The following KLHL29 variants were observed in gnomAD, a reference collection of about 807,000 sequenced individuals.
KLHL29 encodes kelch like family member 29.
KLHL29 carries 21 observed loss-of-function variants against 80.4 expected under a neutral mutation model. The ratio of observed to expected loss-of-function variants is 0.26; its 90% CI spans 0.19 to 0.38. The LOEUF (loss-of-function observed/expected upper bound fraction) is 0.38. Among genes scored for constraint, KLHL29 ranks in the 10% least tolerant of loss-of-function variants. KLHL29 has a pLI of 1.00. For synonymous variants in KLHL29, 511 were observed against 526.8 expected, an observed-to-expected ratio of 0.97 and a Z score of 0.41; for missense variants, 867 against 1,223.9, an observed-to-expected ratio of 0.71 and a Z score of 4.35.
intron 1 of KLHL29, among the ~76,000 whole-genome samples, chr2:23,462,025 A>C (rs954259126): frequency 4.0e-5 from 6 of 148,936 alleles, no homozygotes; most frequent in Non-Finnish European, 8.9e-5. Flanking sequence ...CACCAACCTA[A>C]TAGAAGGGGC....
intron 2 of KLHL29, among the ~76,000 whole-genome samples, chr2:23,509,220 A>G (rs997432091): frequency 6.6e-6 from 1 of 152,160 alleles, no homozygotes; most frequent in Non-Finnish European, 1.5e-5. Flanking sequence ...ACCTGGGGAT[A>G]CCGGGTTATT....
At chr2:23,670,959 TCTCTCTCTCTCTC>T (rs1670714017) in intron 5 of KLHL29, among the ~76,000 whole-genome samples, 5 of 20,976 alleles carry the variant, frequency 2.4e-4, no homozygotes, top group African/African-American at 5.9e-4. Flanking sequence ...TCTCTCTCTC[TCTCTCTCTCTCTC>T]TCTCTCTCCC....
In KLHL29 at chr2:23,493,960, G is replaced by A. The variant is rs529849244; in HGVS notation, c.-46+18293G>A. Among the ~76,000 whole-genome samples the A allele has an allele frequency of 3.9e-5, 6 of 152,268 alleles. No individual in the cohort carries two copies. In the South Asian group the frequency reaches 8.3e-4, roughly 21 times the overall value. On this transcript the variant is annotated intron_variant, in intron 2 of 13. Transcript: ENST00000486442. ...GCAGCACTTACCTACACTGAAAGAG[G>A]TTTAGAATCATTAAACAAAGCCAGA...
chr2:23,503,534 G>A lies in KLHL29; in HGVS notation c.-46+27867G>A, dbSNP rs985494340. Among the ~76,000 whole-genome samples, 11 of 151,880 alleles carry A rather than the reference G, an allele frequency of 7.2e-5. No individual in the cohort carries two copies. Among genetic ancestry groups the A allele is most frequent in the African/African-American group, 9.7e-5 (4 of 41,312 alleles). On this transcript the variant is annotated intron_variant, in intron 2 of 13. Transcript: ENST00000486442. The surrounding 1 kb of genome is among the most constrained non-coding windows in gnomAD (Gnocchi z 4.0). ...GTCCTAGGGATGGCTCCTGGTTCAC[G>A]CAGGCTCCTCATAGGGTCCCTGCCG...
intron 3 of KLHL29, among the ~76,000 whole-genome samples, chr2:23,636,625 T>G (rs900199168): frequency 6.6e-6 from 1 of 152,290 alleles, no homozygotes; most frequent in African/African-American, 2.4e-5. Context: ...AGCAGCCACT[T>G]GAGGGCAGGG....
chr2:23,506,992 C>A, intron 2 of KLHL29: 1 of 280,492 alleles, frequency 3.6e-6, no homozygotes, highest in Admixed American at 3.9e-5. Context: ...CTTCCACACT[C>A]AGAGCCTTTA....
rs116641321 is a variant in KLHL29 at position 23,505,703 on chromosome 2, C to T, written c.-46+30036C>T. Among the ~76,000 whole-genome samples the T allele has an allele frequency of 3.1e-3, 468 of 152,368 alleles. 4 individuals are homozygous for T. The highest frequency in any genetic ancestry group is 0.011 in the African/African-American group (446 of 41,586). On this transcript the variant is annotated intron_variant, in intron 2 of 13. Coordinates refer to ENST00000486442, the MANE Select transcript of KLHL29 (RefSeq NM_052920.2). ...GAAAGTTCCAGAGAACAGATGGAAG[C>T]TCCTACTAGACTGACTTTGGTGACT... is the stretch of plus-strand genomic sequence containing the variant.
intron 5 of KLHL29, among the ~76,000 whole-genome samples, chr2:23,651,353 C>T (rs1467610525): frequency 2.0e-5 from 3 of 152,194 alleles, no homozygotes; most frequent in African/African-American, 7.2e-5. Context: ...TGTGAACAGT[C>T]TGGTTCTGCC....
chr2:23,512,970 G>A (rs1174640281), intron 2 of KLHL29, among the ~76,000 whole-genome samples: 5 of 152,266 alleles, frequency 3.3e-5, no homozygotes, highest in African/African-American at 1.2e-4. Context: ...GGGCACACAG[G>A]CCGTGGGCTG....
At chr2:23,644,843 G>GC (rs984637192) in intron 5 of KLHL29, among the ~76,000 whole-genome samples, 18 of 152,238 alleles carry the variant, frequency 1.2e-4, no homozygotes, top group African/African-American at 4.3e-4. Flanking sequence ...AGGTGTGAGG[G>GC]CCAGGGATGG....
At chr2:23,704,404 G>A (rs1672587258) in intron 13 of KLHL29, among the ~76,000 whole-genome samples, 1 of 152,204 alleles carries the variant, frequency 6.6e-6, no homozygotes, top group Non-Finnish European at 1.5e-5. Context: ...CTGGCCCTGT[G>A]GCAGCGAGAC....
In KLHL29 at chr2:23,416,244, A is replaced by G. The variant is rs149020404; in HGVS notation, c.-154+30464A>G. Among the ~76,000 whole-genome samples, 529 of 152,286 alleles carry G rather than the reference A, an allele frequency of 3.5e-3. 3 individuals are homozygous for G. Among genetic ancestry groups the G allele is most frequent in the African/African-American group, 0.012 (512 of 41,560 alleles). On this transcript the variant is annotated intron_variant, in intron 1 of 13. Transcript: ENST00000486442. ...AAGTTCAGAAGCCCTGACCTCACAG[A>G]GCTCCACTTCTAGAAAAACACCTAG... is the stretch of plus-strand genomic sequence containing the variant.
intron 3 of KLHL29, among the ~76,000 whole-genome samples, chr2:23,565,215 G>A (rs1036032704): frequency 6.6e-6 from 1 of 152,162 alleles, no homozygotes; most frequent in African/African-American, 2.4e-5. Flanking sequence ...CTTAGGGAAA[G>A]GTGTTCATGT....
chr2:23,682,782 C>T lies in KLHL29; in HGVS notation c.941-1617C>T, dbSNP rs903706906. ...TTGCTCCGGGTCTGAGCTCACCCCA[C>T]GTAGATCCTTCCTGAAGTCCCAGCC... is the stretch of plus-strand genomic sequence containing the variant. On this transcript the variant is annotated intron_variant, in intron 5 of 13. Coordinates refer to ENST00000486442, the MANE Select transcript of KLHL29 (RefSeq NM_052920.2). The surrounding 1 kb of genome is among the most constrained non-coding windows in gnomAD (Gnocchi z 4.1). Among the ~76,000 whole-genome samples the T allele has an allele frequency of 1.3e-4, 20 of 152,170 alleles. No homozygotes were observed. The highest frequency in any genetic ancestry group is 9.2e-4 in the Admixed American group (14 of 15,276).
At chr2:23,649,694 C>G (rs1222502027) in intron 5 of KLHL29, among the ~76,000 whole-genome samples, 4 of 152,254 alleles carry the variant, frequency 2.6e-5, no homozygotes, top group Non-Finnish European at 4.4e-5. Context: ...CCCCAGTTGT[C>G]TGACAGGGCC....
At chr2:23,512,056 G>GT (rs1665788769) in intron 2 of KLHL29, among the ~76,000 whole-genome samples, 1 of 152,204 alleles carries the variant, frequency 6.6e-6, no homozygotes, top group South Asian at 2.1e-4. Flanking sequence ...ACCCGCAGTG[G>GT]ATGCAGCAGA....
chr2:23,636,020 G>A (rs1234409616), intron 3 of KLHL29, among the ~76,000 whole-genome samples: 1 of 152,236 alleles, frequency 6.6e-6, no homozygotes, highest in African/African-American at 2.4e-5. Flanking sequence ...CAGACATTCT[G>A]AACCATGGGA....
rs141444700 is a variant in KLHL29, at chr2:23,596,167, C to A, written c.285+33686C>A. On this transcript the variant is annotated intron_variant, in intron 3 of 13. Coordinates refer to ENST00000486442, the MANE Select transcript of KLHL29 (RefSeq NM_052920.2). This position sits in a 1 kb window ranked among gnomAD's most constrained non-coding sequence, Gnocchi z 4.4. Reference sequence around the variant, plus strand: ...AGAGCACCCTCGGCAGCCAGCCGGACGGGCAGGCCGGGGGCGGGGCAGGGC... The same window carrying A: ...AGAGCACCCTCGGCAGCCAGCCGGAAGGGCAGGCCGGGGGCGGGGCAGGGC... Among the ~76,000 whole-genome samples the A allele has an allele frequency of 1.3e-5, 2 of 152,180 alleles. No homozygotes were observed. The highest frequency in any genetic ancestry group is 4.8e-5 in the African/African-American group (2 of 41,446).
At chr2:23,520,726 C>T (rs970809888) in intron 2 of KLHL29, among the ~76,000 whole-genome samples, 2 of 152,208 alleles carry the variant, frequency 1.3e-5, no homozygotes, top group African/African-American at 2.4e-5. Flanking sequence ...TTTTCCCATG[C>T]TTTAAGGTGA....
Sources: gnomAD v4.1 joint callset for allele counts (sites outside exome capture counted in the v4.1 genomes callset) on GRCh38, gnomAD v4.1.1 for gene constraint, Gnocchi (gnomAD v3.1) non-coding constraint, MANE v1.5 for transcripts, NCBI Gene and HGNC (gene_info 2026-07-23, HGNC 2026-07-21) for gene names.